Variants in JPH1 observed in about 807,000 individuals in gnomAD.
JPH1 encodes junctophilin 1.
Under a neutral mutation model 53.6 loss-of-function variants are expected in JPH1, and 12 were observed. The ratio of observed to expected loss-of-function variants is 0.22; its 90% CI spans 0.14 to 0.36. JPH1 has a LOEUF of 0.36. Ranked by LOEUF, JPH1 falls within the 10% of genes least tolerant of loss-of-function variation. The pLI, the probability that JPH1 is intolerant of heterozygous loss-of-function variation, is 1.00. For synonymous variants in JPH1, 375 were observed against 363.8 expected, an observed-to-expected ratio of 1.03 and a Z score of -0.35; for missense variants, 808 against 905.5, an observed-to-expected ratio of 0.89 and a Z score of 1.38.
Position 74,320,775 on chromosome 8 carries a change from G to GCCC in JPH1, c.379+133_379+134insGGG, listed in dbSNP as rs1808293955. The GCCC allele has an allele frequency of 1.8e-6, 2 of 1,110,540 alleles. No individual in the cohort carries two copies. The highest frequency in any genetic ancestry group is 3.3e-5 in the African/African-American group (2 of 60,270). 68.8% of individuals were successfully genotyped at this position (1,110,540 alleles called of 1,614,324 possible). A position where few individuals can be genotyped will look rare whatever the true frequency, so the allele number is the denominator to read the frequency against. ...GGGAAAGGCGGGCGCGGGCGCGGGG[G>GCCC]TGGGAGGCGCCCCCAGGTGTTTTGG... On this transcript the variant is annotated intron_variant, in intron 1 of 5. Coordinates refer to ENST00000342232, the MANE Select transcript of JPH1 (RefSeq NM_020647.4). The surrounding 1 kb of genome is among the most constrained non-coding windows in gnomAD (Gnocchi z 4.4).
intron 4 of JPH1, among the ~76,000 whole-genome samples, chr8:74,242,268 G>A (rs1805718335): frequency 6.6e-6 from 1 of 152,168 alleles, no homozygotes; most frequent in Non-Finnish European, 1.5e-5. Context: ...GCATTGTGTT[G>A]AAACAAACAT....
intron 3 of JPH1, among the ~76,000 whole-genome samples, chr8:74,255,749 C>T (rs2131389183): frequency 6.6e-6 from 1 of 152,284 alleles, no homozygotes; most frequent in South Asian, 2.1e-4. Context: ...ACAGACACTT[C>T]TCAAAAGAAG....
chr8:74,320,812 A>C lies in JPH1; in HGVS notation c.379+97T>G. On this transcript the variant is annotated intron_variant, in intron 1 of 5. Coordinates refer to ENST00000342232, the MANE Select transcript of JPH1 (RefSeq NM_020647.4). This position sits in a 1 kb window ranked among gnomAD's most constrained non-coding sequence, Gnocchi z 4.4. The stretch of plus-strand genomic sequence containing the variant: ...CCCAGGTGTTTTGGCGGGTTTCCGG[A>C]CACGTGCGCCCGGCGTCCTCCCCGC... The C allele has an allele frequency of 7.4e-7, 1 of 1,345,054 alleles. No homozygotes were observed. Among genetic ancestry groups the C allele is most frequent in the East Asian group, 3.0e-5 (1 of 33,072 alleles). The allele number at this position is 1,345,054 out of a possible 1,614,324, so 83.3% of individuals were successfully genotyped here.
At chr8:74,314,702 C>G (rs1232145750) in intron 2 of JPH1, among the ~76,000 whole-genome samples, 159 bp downstream of exon 2, 1 of 152,194 alleles carries the variant, frequency 6.6e-6, no homozygotes. Flanking sequence ...AGGTACATTT[C>G]TGACTTTGAT....
At chr8:74,259,295 A>C in intron 3 of JPH1, 90 bp downstream of exon 3, 1 of 983,630 alleles carries the variant, frequency 1.0e-6, no homozygotes. Context: ...GGATTCAGGA[A>C]GCACACATCT....
At chr8:74,275,434 C>T (rs763527239) in intron 2 of JPH1, among the ~76,000 whole-genome samples, 3 of 152,150 alleles carry the variant, frequency 2.0e-5, no homozygotes, top group Non-Finnish European at 2.9e-5. Context: ...TTTCAGAGAG[C>T]GAATTCCAGA....
In JPH1 at chr8:74,321,400, C is replaced by G; in HGVS notation, c.-113G>C. The G allele has an allele frequency of 9.4e-7, 1 of 1,068,562 alleles. No homozygotes were observed. Among genetic ancestry groups the G allele is most frequent in the African/African-American group, 1.7e-5 (1 of 59,766 alleles). 66.2% of individuals were successfully genotyped at this position (1,068,562 alleles called of 1,614,324 possible). A position where few individuals can be genotyped will look rare whatever the true frequency, so the allele number is the denominator to read the frequency against. On this transcript the variant is annotated 5_prime_UTR_variant, in exon 1 of 6. Transcript: ENST00000342232. This position sits in a 1 kb window ranked among gnomAD's most constrained non-coding sequence, Gnocchi z 4.3. ...CGGCGGGCGAGCTCACGACAGCGCC[C>G]TGGGCAGCTCGCGCTGCCGCTCGGC...
chr8:74,256,635 T>C (rs1806247420), intron 3 of JPH1, among the ~76,000 whole-genome samples: 2 of 151,866 alleles, frequency 1.3e-5, no homozygotes, highest in African/African-American at 2.4e-5. Context: ...AAGACATTTA[T>C]GCAGCCAAAA....
chr8:74,287,733 C>T (rs568997107), intron 2 of JPH1, among the ~76,000 whole-genome samples: 10 of 150,974 alleles, frequency 6.6e-5, no homozygotes, highest in South Asian at 2.1e-4. Flanking sequence ...CACTCAGTGA[C>T]GTGAAATTTC....
intron 5 of JPH1, 45 bp downstream of exon 5, chr8:74,237,163 A>G: frequency 7.9e-7 from 1 of 1,261,382 alleles, no homozygotes; most frequent in South Asian, 1.3e-5. Flanking sequence ...TGAGAAAAGA[A>G]TGTTATTTAC....
intron 3 of JPH1, among the ~76,000 whole-genome samples, chr8:74,255,785 G>GA (rs1806203779): frequency 6.6e-6 from 1 of 152,172 alleles, no homozygotes; most frequent in African/African-American, 2.4e-5. Context: ...AAAAACACAT[G>GA]AAAAAATGCT....
intron 2 of JPH1, among the ~76,000 whole-genome samples, chr8:74,308,003 T>C (rs1041131731): frequency 2.0e-5 from 3 of 152,232 alleles, no homozygotes; most frequent in African/African-American, 7.2e-5. Context: ...TCAAGTCAAG[T>C]GATCTTGTGA....
chr8:74,285,722 T>C (rs531775230), intron 2 of JPH1, among the ~76,000 whole-genome samples: 110 of 152,362 alleles, frequency 7.2e-4, no homozygotes, highest in African/African-American at 2.6e-3. Context: ...CTGCATTATA[T>C]GCAACATGTT....
At chr8:74,287,102 G>C (rs1367906618) in intron 2 of JPH1, among the ~76,000 whole-genome samples, 2 of 152,082 alleles carry the variant, frequency 1.3e-5, no homozygotes, top group Non-Finnish European at 2.9e-5. Context: ...AATGCTTTTG[G>C]AGCTCTTGCA....
In JPH1 at chr8:74,274,962, G is replaced by A. The variant is rs148014137; in HGVS notation, c.1140-15459C>T. ...ATTTTAGTATAGAAACCAAGGTTTC[G>A]GCCTATTTACTTTTAAGATGTTTAT... On this transcript the variant is annotated intron_variant, in intron 2 of 5. Transcript: ENST00000342232. Among the ~76,000 whole-genome samples, 147 of 152,160 alleles carry A rather than the reference G, an allele frequency of 9.7e-4. 1 individual carries two copies. The East Asian group carries it at 0.021, about 22-fold the overall frequency.
chr8:74,318,054 C>T (rs1808212621), intron 1 of JPH1, among the ~76,000 whole-genome samples: 5 of 152,254 alleles, frequency 3.3e-5, no homozygotes, highest in Admixed American at 2.0e-4. Flanking sequence ...TGCAGTCAAA[C>T]TGTTAGCAGT....
At chr8:74,262,117 T>C (rs1586742987) in intron 2 of JPH1, among the ~76,000 whole-genome samples, 1 of 152,314 alleles carries the variant, frequency 6.6e-6, no homozygotes, top group Non-Finnish European at 1.5e-5. Context: ...AGTGCTACTG[T>C]ATAGCTGGCC....
chr8:74,256,122 G>A (rs544562015), intron 3 of JPH1, among the ~76,000 whole-genome samples: 1 of 152,290 alleles, frequency 6.6e-6, no homozygotes, highest in African/African-American at 2.4e-5. Flanking sequence ...ATTGACAATA[G>A]CAAAGACTTG....
chr8:74,299,177 C>G (rs1586766827), intron 2 of JPH1, among the ~76,000 whole-genome samples: 1 of 152,100 alleles, frequency 6.6e-6, no homozygotes, highest in South Asian at 2.1e-4. Context: ...GCCGAAGGAC[C>G]AACTTCTTTA....
Sources: allele counts gnomAD v4.1 joint callset (sites outside exome capture counted in the v4.1 genomes callset), GRCh38; gene constraint gnomAD v4.1.1; non-coding constraint Gnocchi (gnomAD v3.1); transcripts MANE v1.5; gene names NCBI Gene and HGNC (gene_info 2026-07-23, HGNC 2026-07-21).